RIN2: variants seen among roughly 807,000 people sequenced by gnomAD.
RIN2 encodes RAB5 interacting protein 2.
In RIN2, 36 loss-of-function variants were observed where a neutral mutation model predicts 78.0. That is an observed-to-expected ratio of 0.46 (90% confidence interval 0.35 to 0.61). The LOEUF (loss-of-function observed/expected upper bound fraction) is 0.61, where lower values mean the gene tolerates loss of function less well. Ranked by LOEUF, RIN2 falls within the 20% of genes least tolerant of loss-of-function variation. The probability of loss-of-function intolerance (pLI) is 0.00; values close to 1 mark genes in which losing one functional copy is unlikely to be tolerated. For missense variants in RIN2, 1,087 were observed against 1,159.7 expected (o/e 0.94, Z 0.91); for synonymous variants, 466 against 466.8 (o/e 1.00, Z 0.02).
intron 2 of RIN2, among the ~76,000 whole-genome samples, chr20:19,886,266 G>A (rs551455942): frequency 2.3e-3 from 356 of 152,324 alleles, no homozygotes; most frequent in African/African-American, 8.2e-3. Flanking sequence ...AATGGGTTGG[G>A]GAGCCAGCCT....
chr20:19,795,610 A>G (rs2035030725), intron 1 of RIN2, among the ~76,000 whole-genome samples: 2 of 152,198 alleles, frequency 1.3e-5, no homozygotes, highest in Non-Finnish European at 2.9e-5. Flanking sequence ...AGGCTGGAAA[A>G]CAGCCTAACT....
At chr20:19,968,016 C>T (rs1418482656) in intron 7 of RIN2, among the ~76,000 whole-genome samples, 2 of 152,144 alleles carry the variant, frequency 1.3e-5, no homozygotes, top group Non-Finnish European at 2.9e-5. Flanking sequence ...GCCTTAATGC[C>T]AAAGCCCGTA....
chr20:19,819,553 T>A (rs954314694), intron 2 of RIN2, among the ~76,000 whole-genome samples: 3 of 152,330 alleles, frequency 2.0e-5, no homozygotes, highest in East Asian at 3.9e-4. Context: ...ATTGAAATCG[T>A]ATATGTATGA....
chr20:19,829,845 GGCCCCTGACCACAAAATGAT>G (rs2036200394), intron 2 of RIN2, among the ~76,000 whole-genome samples: 1 of 152,172 alleles, frequency 6.6e-6, no homozygotes, highest in African/African-American at 2.4e-5. Context: ...GCTCTGCCAT[GGCCCCTGACCACAAAATGAT>G]GCCCCTGACT....
intron 2 of RIN2, among the ~76,000 whole-genome samples, chr20:19,821,295 G>T (rs769150838): frequency 2.0e-5 from 3 of 152,094 alleles, no homozygotes; most frequent in Non-Finnish European, 4.4e-5. Flanking sequence ...TTATTTTGGT[G>T]AATTATACCA....
At chr20:19,847,591 CT>C (rs937744413) in intron 2 of RIN2, among the ~76,000 whole-genome samples, 1 of 152,142 alleles carries the variant, frequency 6.6e-6, no homozygotes, top group Non-Finnish European at 1.5e-5. Context: ...CTGTCCAGCA[CT>C]TGACGTGTGG....
intron 2 of RIN2, among the ~76,000 whole-genome samples, chr20:19,829,235 G>C (rs2030135467): frequency 6.6e-6 from 1 of 152,176 alleles, no homozygotes; most frequent in Non-Finnish European, 1.5e-5. Flanking sequence ...AGACATCCCA[G>C]GAAGACAGAA....
At chr20:19,785,479 T>C (rs1247160613) in intron 1 of RIN2, among the ~76,000 whole-genome samples, 1 of 152,194 alleles carries the variant, frequency 6.6e-6, no homozygotes, top group East Asian at 1.9e-4. Flanking sequence ...AAATTCAGTT[T>C]GCAGATGCTT....
intron 1 of RIN2, among the ~76,000 whole-genome samples, chr20:19,786,389 A>G (rs1212118829): frequency 6.6e-6 from 1 of 152,208 alleles, no homozygotes; most frequent in African/African-American, 2.4e-5. Flanking sequence ...CCGGGCAAAC[A>G]GATCACATGA....
At chr20:19,762,644 C>T (rs2033687210) in intron 1 of RIN2, among the ~76,000 whole-genome samples, 1 of 152,060 alleles carries the variant, frequency 6.6e-6, no homozygotes, top group African/African-American at 2.4e-5. Context: ...GACTAGAAGG[C>T]TGATGGGTCA....
intron 3 of RIN2, among the ~76,000 whole-genome samples, chr20:19,902,901 G>A (rs940621436): frequency 2.6e-5 from 4 of 152,052 alleles, no homozygotes; most frequent in African/African-American, 9.7e-5. Context: ...AGACCATCCT[G>A]GCTAACGCGG....
intron 12 of RIN2, 74 bp downstream of exon 12, chr20:19,996,916 C>A: frequency 7.1e-7 from 1 of 1,409,578 alleles, no homozygotes; most frequent in Non-Finnish European, 9.6e-7. Context: ...CACATCCCAG[C>A]TCAGAGGTCC....
chr20:19,907,867 A>T (rs2039284298), intron 3 of RIN2, among the ~76,000 whole-genome samples: 1 of 152,214 alleles, frequency 6.6e-6, no homozygotes, highest in Admixed American at 6.5e-5. Context: ...GACATTAAGC[A>T]AACTCTCAGA....
chr20:19,842,917 G>T (rs917798664), intron 2 of RIN2, among the ~76,000 whole-genome samples: 9 of 151,892 alleles, frequency 5.9e-5, no homozygotes, highest in Admixed American at 5.3e-4. Context: ...TTCACAGGAG[G>T]AGGTCAAAAT....
rs181872645 is a variant in RIN2, at chr20:19,860,394, G to A, written c.-36-29172G>A. 3.4e-3 allele frequency among the ~76,000 whole-genome samples: 524 copies of A among 151,890 alleles called. 3 individuals are homozygous for A. The highest frequency in any genetic ancestry group is 0.012 in the African/African-American group (505 of 41,414). The stretch of plus-strand genomic sequence containing the variant: ...TGGAGTGCAGTGGCTCGATGATCTC[G>A]GCTCACTGCAACCTCCACCTCCTCA... On this transcript the variant is annotated intron_variant, in intron 2 of 12. Coordinates refer to ENST00000255006, the MANE Select transcript of RIN2 (RefSeq NM_018993.4).
intron 2 of RIN2, among the ~76,000 whole-genome samples, chr20:19,800,214 G>T (rs530600285): frequency 6.6e-6 from 1 of 152,234 alleles, no homozygotes; most frequent in South Asian, 2.1e-4. Context: ...CCACCACCTT[G>T]CTTCCTGTTC....
intron 2 of RIN2, among the ~76,000 whole-genome samples, chr20:19,825,239 A>G (rs942286432): frequency 6.6e-6 from 1 of 152,140 alleles, no homozygotes; most frequent in Non-Finnish European, 1.5e-5. Flanking sequence ...TCTCTACTTC[A>G]GGCTCTGCCT....
Position 19,862,593 on chromosome 20 carries a change from AAAACAAAC to A in RIN2, c.-36-26950_-36-26943del, listed in dbSNP as rs58548710. Among the ~76,000 whole-genome samples, 405 of 152,038 alleles carry A rather than the reference AAAACAAAC, an allele frequency of 2.7e-3. 1 individual carries two copies. The highest frequency in any genetic ancestry group is 8.5e-3 in the African/African-American group (351 of 41,378). On this transcript the variant is annotated intron_variant, in intron 2 of 12. Coordinates refer to ENST00000255006, the MANE Select transcript of RIN2 (RefSeq NM_018993.4). ...GGGTGACAGAGTGAGACTCCGTCTC[AAAACAAAC>A]AAACAAACAAACAAACAAACAAGCA...
At position 19,995,817 on chromosome 20, in the gene RIN2, CT is replaced by C. The variant is rs376477054; in HGVS notation, c.2201-854del. Reference sequence around the variant, plus strand: ...TACTCATTGCGTTTTTTCCTTTTTACTTTTTTTTAAACCAAATTCTTGTTTA... The same window carrying C: ...TACTCATTGCGTTTTTTCCTTTTTACTTTTTTTAAACCAAATTCTTGTTTA... On this transcript the variant is annotated intron_variant, in intron 11 of 12. Transcript: ENST00000255006. 1.6e-3 allele frequency among the ~76,000 whole-genome samples: 248 copies of C among 151,926 alleles called. 1 individual carries two copies. Among genetic ancestry groups the C allele is most frequent in the African/African-American group, 5.8e-3 (242 of 41,430 alleles).
Sources: allele counts gnomAD v4.1 joint callset (sites outside exome capture counted in the v4.1 genomes callset), GRCh38; gene constraint gnomAD v4.1.1; transcripts MANE v1.5; gene names NCBI Gene and HGNC (gene_info 2026-07-23, HGNC 2026-07-21).